The following RIOK1 variants were observed in gnomAD, a reference collection of about 807,000 sequenced individuals.
The protein encoded by RIOK1 is serine/threonine-protein kinase RIO1.
Under a neutral mutation model 73.5 loss-of-function variants are expected in RIOK1, and 66 were observed. That is an observed-to-expected ratio of 0.90 (90% CI 0.74 to 1.10). The LOEUF is 1.10. Among genes scored for constraint, RIOK1 ranks in the 50% least tolerant of loss-of-function variants. RIOK1 has a pLI of 0.00. For synonymous variants in RIOK1, 224 were observed against 226.8 expected (o/e 0.99, Z 0.11); for missense variants, 658 against 699.8 (o/e 0.94, Z 0.67).
chr6:7,404,583 G>C lies in RIOK1; in HGVS notation c.992+28G>C, dbSNP rs908505689. On this transcript the variant is annotated intron_variant, in intron 10 of 16. Coordinates refer to ENST00000379834, the MANE Select transcript of RIOK1 (RefSeq NM_031480.3). ...GAGTGTATTTTGTCTCTTAAGAACT[G>C]CCTGTCAGTTGTTTCGTGTCCTTTA... 3.1e-6 allele frequency: 5 copies of C among 1,604,348 alleles called. No individual in the cohort carries two copies. The African/African-American group carries it at 6.7e-5, about 21-fold the overall frequency.
At chr6:7,400,878 T>G in intron 5 of RIOK1, 80 bp from the exon 6 acceptor site, 1 of 793,538 alleles carries the variant, frequency 1.3e-6, no homozygotes, top group Non-Finnish European at 2.2e-6. Flanking sequence ...AGCTCTGCTG[T>G]TTATTGATTG....
chr6:7,398,455 G>A (rs1396978655), intron 4 of RIOK1, among the ~76,000 whole-genome samples: 1 of 152,122 alleles, frequency 6.6e-6, no homozygotes, highest in Non-Finnish European at 1.5e-5. Context: ...TCTGAAATAG[G>A]AATAGATTTT....
At chr6:7,405,091 G>T in intron 11 of RIOK1, 70 bp downstream of exon 11, 6 of 1,357,820 alleles carry the variant, frequency 4.4e-6, no homozygotes, top group Non-Finnish European at 6.2e-6. Flanking sequence ...TTAAGCTGTT[G>T]GCGTAAAATT....
At chr6:7,401,492 A>C (rs935931668) in intron 6 of RIOK1, among the ~76,000 whole-genome samples, 1 of 152,182 alleles carries the variant, frequency 6.6e-6, no homozygotes, top group African/African-American at 2.4e-5. Context: ...TTACTCAGCT[A>C]TAATGGCAGG....
chr6:7,400,976 A>G lies in RIOK1; in HGVS notation c.499A>G (p.Arg167Gly). 6.2e-7 allele frequency: 1 copy of G among 1,610,092 alleles called. No individual in the cohort carries two copies. The highest frequency in any genetic ancestry group is 8.5e-7 in the Non-Finnish European group (1 of 1,177,594). Reference protein sequence around the residue: ...TVEQVLDPRTRMILFKMLTRG... With the variant: ...TVEQVLDPRTGMILFKMLTRG... ...TTTTTAGGTGTTGGATCCCAGAACAAGAATGATTTTATTCAAGATGTTGAC... is the reference window on the plus strand; with the variant it reads ...TTTTTAGGTGTTGGATCCCAGAACAGGAATGATTTTATTCAAGATGTTGAC... Residue 167 changes from arginine to glycine, a missense_variant, in exon 6 of 17, where the codon AGA becomes GGA. Transcript: ENST00000379834.
intron 16 of RIOK1, 22 bp downstream of exon 16, chr6:7,414,412 C>T: frequency 6.3e-7 from 1 of 1,589,110 alleles, no homozygotes; most frequent in Non-Finnish European, 8.5e-7. Flanking sequence ...AATACCTTCC[C>T]CTTTTCTTTA....
At chr6:7,417,083 A>G (rs1762023494) in intron 16 of RIOK1, among the ~76,000 whole-genome samples, 3 of 151,468 alleles carry the variant, frequency 2.0e-5, no homozygotes, top group African/African-American at 4.9e-5. Context: ...ATCTCTACCA[A>G]AAAATACCCC....
At position 7,405,318 on chromosome 6, in the gene RIOK1, C is replaced by G. The variant is rs1761718204; in HGVS notation, c.1166C>G (p.Ser389Cys). 1 of 1,612,054 alleles carries G rather than the reference C, an allele frequency of 6.2e-7. No homozygotes were observed. Among genetic ancestry groups the G allele is most frequent in the Non-Finnish European group, 8.5e-7 (1 of 1,178,238 alleles). Residue 389 changes from serine (S) to cysteine (C), a missense_variant, in exon 12 of 17, where the codon TCC becomes TGC. Physicochemically the swap from Ser to Cys is moderately radical, Grantham distance 112. Coordinates refer to ENST00000379834, the MANE Select transcript of RIOK1 (RefSeq NM_031480.3). ...RELFEFVTDPSITHENMDAYL... is the reference protein window; with the variant it reads ...RELFEFVTDPCITHENMDAYL... The stretch of plus-strand genomic sequence containing the variant: ...CTCTTTGAATTTGTCACAGATCCAT[C>G]CATTACACATGAGAACATGGATGCT...
chr6:7,398,399 C>A (rs1284202829), intron 4 of RIOK1, among the ~76,000 whole-genome samples: 1 of 151,978 alleles, frequency 6.6e-6, no homozygotes, highest in Non-Finnish European at 1.5e-5. Context: ...TCAATGTTTT[C>A]TCTTTTTCAG....
intron 16 of RIOK1, among the ~76,000 whole-genome samples, chr6:7,415,954 G>A (rs1006423428): frequency 2.0e-5 from 3 of 152,296 alleles, no homozygotes; most frequent in Non-Finnish European, 4.4e-5. Context: ...TCATAGGTAC[G>A]TATGTATAGG....
Position 7,402,823 on chromosome 6 carries a change from T to C in RIOK1, c.693T>C (p.Arg231=), listed in dbSNP as rs757070213. Residue 231 remains arginine, a synonymous_variant, in exon 8 of 17, where the codon CGT becomes CGC. Transcript: ENST00000379834. ...DKYVSGEFRF[R]HGYCKGNPRK... is the part of the protein sequence containing the mutation. Reference sequence around the variant, plus strand: ...AACATTTTTCTTATTCAAGATTTCGTCATGGCTATTGTAAAGGAAACCCTA... The same window carrying C: ...AACATTTTTCTTATTCAAGATTTCGCCATGGCTATTGTAAAGGAAACCCTA... 1 of 1,612,360 alleles carries C rather than the reference T, an allele frequency of 6.2e-7. No homozygotes were observed. Among genetic ancestry groups the C allele is most frequent in the Non-Finnish European group, 8.5e-7 (1 of 1,179,064 alleles).
chr6:7,412,294 G>A (rs1312353859), intron 14 of RIOK1, among the ~76,000 whole-genome samples: 1 of 151,992 alleles, frequency 6.6e-6, no homozygotes, highest in Non-Finnish European at 1.5e-5. Flanking sequence ...CCGGGAGGCG[G>A]AGGCTGCGGT....
chr6:7,394,851 CTT>C (rs1491098463), intron 2 of RIOK1, among the ~76,000 whole-genome samples, 200 bp from the exon 3 acceptor site: 2 of 152,194 alleles, frequency 1.3e-5, no homozygotes, highest in African/African-American at 4.8e-5. Context: ...TATGCAGACT[CTT>C]TTAGTCAGTA....
At position 7,414,226 on chromosome 6, in the gene RIOK1, A is replaced by G. The variant is rs780374436; in HGVS notation, c.1444-12A>G. 8 of 1,597,594 alleles carry G rather than the reference A, an allele frequency of 5.0e-6. No individual in the cohort carries two copies. Among genetic ancestry groups the G allele is most frequent in the Non-Finnish European group, 6.8e-6 (8 of 1,174,966 alleles). ...GTTGTTTAGAATAACATGGTTCTTT[A>G]ATAATTTCAAGGTCCCTGCACTCCT... On this transcript the variant is annotated splice_polypyrimidine_tract_variant and intron_variant, in intron 15 of 16. Coordinates refer to ENST00000379834, the MANE Select transcript of RIOK1 (RefSeq NM_031480.3).
chr6:7,402,362 G>A lies in RIOK1; in HGVS notation c.574-241G>A, dbSNP rs183095897. ...TCTTACGGAATCACCTCATATATGC[G>A]GTCTGTCACCTGTCAGTAACTAAAA... On this transcript the variant is annotated intron_variant, in intron 6 of 16. Transcript: ENST00000379834. 2.4e-3 allele frequency among the ~76,000 whole-genome samples: 366 copies of A among 152,244 alleles called. 2 individuals are homozygous for A. The highest frequency in any genetic ancestry group is 0.013 in the South Asian group (63 of 4,826).
intron 6 of RIOK1, among the ~76,000 whole-genome samples, chr6:7,401,979 T>C (rs1047139587): frequency 1.4e-4 from 21 of 152,212 alleles, no homozygotes; most frequent in Admixed American, 6.5e-5. Flanking sequence ...ACGCCTTGCC[T>C]AAATCACTGG....
intron 4 of RIOK1, among the ~76,000 whole-genome samples, chr6:7,397,968 T>C (rs996451268): frequency 9.2e-5 from 14 of 152,136 alleles, no homozygotes; most frequent in Admixed American, 5.9e-4. Flanking sequence ...GGTGAAATCC[T>C]GTCTCTACTA....
chr6:7,401,503 G>A (rs1234616629), intron 6 of RIOK1, among the ~76,000 whole-genome samples: 1 of 151,944 alleles, frequency 6.6e-6, no homozygotes, highest in African/African-American at 2.4e-5. Flanking sequence ...TAATGGCAGG[G>A]GTCTGCAGGC....
chr6:7,397,200 G>A (rs1376305602), intron 4 of RIOK1, among the ~76,000 whole-genome samples: 1 of 152,264 alleles, frequency 6.6e-6, no homozygotes, highest in Non-Finnish European at 1.5e-5. Context: ...GGAGGTGGAG[G>A]TTGCAGTGAG....
Sources: gnomAD v4.1 joint callset for allele counts (sites outside exome capture counted in the v4.1 genomes callset) on GRCh38, gnomAD v4.1.1 for gene constraint, MANE v1.5 for transcripts, NCBI Gene and HGNC (gene_info 2026-07-23, HGNC 2026-07-21) for gene names.